WDFY4: variants seen among roughly 807,000 people sequenced by gnomAD.
WDFY4 encodes the protein WD repeat- and FYVE domain-containing protein 4.
A neutral mutation model predicts 351.9 loss-of-function variants in WDFY4; 169 were observed. The ratio of observed to expected loss-of-function variants is 0.48; its 90% CI spans 0.42 to 0.55. The LOEUF is 0.55. Among genes scored for constraint, WDFY4 ranks in the 20% least tolerant of loss-of-function variants. The pLI is 0.00. For synonymous variants in WDFY4, 1,622 were observed against 1,574.6 expected (o/e 1.03, Z -0.71); for missense variants, 3,803 against 3,935.6 (o/e 0.97, Z 0.90).
chr10:48,868,761 G>A (rs1386260182), intron 40 of WDFY4, among the ~76,000 whole-genome samples: 1 of 152,168 alleles, frequency 6.6e-6, no homozygotes, highest in Admixed American at 6.5e-5. Context: ...CTCGTCTAGA[G>A]TGCAACCATT....
At chr10:48,909,957 G>A (rs1367460299) in intron 47 of WDFY4, 2 of 458,422 alleles carry the variant, frequency 4.4e-6, no homozygotes, top group Non-Finnish European at 7.8e-6. Context: ...ATATTTAGTT[G>A]TCTATAATAT....
rs75082600 is a variant in WDFY4, at chr10:48,938,976, A to G, written c.7587-2830A>G. On this transcript the variant is annotated intron_variant, in intron 47 of 61. Transcript: ENST00000325239. ...AACCGCCACAATCCTCACTGGCTTC[A>G]TTCGAGTTCTTCTGTTCTTCTCTGC... 5.1e-3 allele frequency among the ~76,000 whole-genome samples: 776 copies of G among 152,246 alleles called. 3 individuals are homozygous for G. The highest frequency in any genetic ancestry group is 0.018 in the African/African-American group (743 of 41,544).
rs549980526 is a variant in WDFY4 at position 48,900,533 on chromosome 10, A to C, written c.7523+227A>C. Among the ~76,000 whole-genome samples, 204 of 152,338 alleles carry C rather than the reference A, an allele frequency of 1.3e-3. 1 individual carries two copies. Among genetic ancestry groups the C allele is most frequent in the African/African-American group, 4.6e-3 (191 of 41,582 alleles). Reference sequence around the variant, plus strand: ...CCTTCAGTCCTAGGAAGCAGGCTCCATTTTCCTGAACTGAAGTGGCATAGA... The same window carrying C: ...CCTTCAGTCCTAGGAAGCAGGCTCCCTTTTCCTGAACTGAAGTGGCATAGA... On this transcript the variant is annotated intron_variant, in intron 46 of 61. Transcript: ENST00000325239.
At chr10:48,940,891 G>A (rs919900891) in intron 47 of WDFY4, among the ~76,000 whole-genome samples, 8 of 152,258 alleles carry the variant, frequency 5.3e-5, no homozygotes, top group African/African-American at 1.7e-4. Flanking sequence ...TCCTACCAGG[G>A]CAGTCCACAA....
chr10:48,764,020 C>G (rs1429120093), intron 13 of WDFY4, among the ~76,000 whole-genome samples: 2 of 152,202 alleles, frequency 1.3e-5, no homozygotes, highest in African/African-American at 4.8e-5. Context: ...GTCAGTGTTA[C>G]TAGCAAGATG....
chr10:48,887,014 A>G (rs2070484221), intron 43 of WDFY4, among the ~76,000 whole-genome samples: 1 of 152,234 alleles, frequency 6.6e-6, no homozygotes, highest in Admixed American at 6.5e-5. Context: ...ACTTGGGTTC[A>G]TTTTCTAGTT....
In WDFY4 at chr10:48,709,616, A is replaced by G. The variant is rs1043900118; in HGVS notation, c.-17-100A>G. On this transcript the variant is annotated intron_variant, in intron 1 of 61. Coordinates refer to ENST00000325239, the MANE Select transcript of WDFY4 (RefSeq NM_001394531.1). ...TCAGATTCTTAGGGGAACCATTTTCAATAGAAACTGGGCTGAGTGAGTACA... is the reference window on the plus strand; with the variant it reads ...TCAGATTCTTAGGGGAACCATTTTCGATAGAAACTGGGCTGAGTGAGTACA... 9.1e-5 allele frequency: 94 copies of G among 1,031,738 alleles called. 1 individual carries two copies. Among genetic ancestry groups the G allele is most frequent in the Non-Finnish European group, 1.2e-4 (87 of 713,450 alleles). 63.9% of individuals were successfully genotyped at this position (1,031,738 alleles called of 1,614,324 possible).
chr10:48,840,495 T>TCA (rs141934724), intron 39 of WDFY4, among the ~76,000 whole-genome samples: 4 of 150,466 alleles, frequency 2.7e-5, no homozygotes, highest in South Asian at 4.2e-4. Context: ...TCTCTCTCTC[T>TCA]CACACACACA....
chr10:48,963,784 C>T lies in WDFY4; in HGVS notation c.8224-58C>T, dbSNP rs558319885. On this transcript the variant is annotated intron_variant, in intron 53 of 61. Transcript: ENST00000325239. ...CATGTGCCCCTTCCAATCTGTGCAG[C>T]GAGTGCATGAGTCCATGAGTGGCCT... 5.8e-5 allele frequency: 87 copies of T among 1,494,654 alleles called. No homozygotes were observed. In the African/African-American group the frequency reaches 9.2e-4, roughly 16 times the overall value. 92.6% of individuals were successfully genotyped at this position (1,494,654 alleles called of 1,614,324 possible).
intron 47 of WDFY4, chr10:48,913,356 C>A (rs1241131459): frequency 6.3e-7 from 1 of 1,589,144 alleles, no homozygotes; most frequent in Admixed American, 1.7e-5. Flanking sequence ...CTCCCTCTCT[C>A]TTTCCCTTCT....
intron 19 of WDFY4, among the ~76,000 whole-genome samples, chr10:48,783,754 A>G (rs1196940641): frequency 6.6e-6 from 1 of 152,196 alleles, no homozygotes; most frequent in African/African-American, 2.4e-5. Flanking sequence ...CACTTAGGCT[A>G]TATGGTATAG....
At position 48,927,235 on chromosome 10, in the gene WDFY4, C is replaced by A. The variant is rs184731067; in HGVS notation, c.7587-14571C>A. ...ATGATGCCTCCCCCGAACCCTCCCCCCTGCTTCCACACACATCCTCAGACC... is the reference window on the plus strand; with the variant it reads ...ATGATGCCTCCCCCGAACCCTCCCCACTGCTTCCACACACATCCTCAGACC... On this transcript the variant is annotated intron_variant, in intron 47 of 61. Coordinates refer to ENST00000325239, the MANE Select transcript of WDFY4 (RefSeq NM_001394531.1). 3.0e-3 allele frequency among the ~76,000 whole-genome samples: 455 copies of A among 152,304 alleles called. 1 individual carries two copies. Among genetic ancestry groups the A allele is most frequent in the African/African-American group, 0.011 (439 of 41,562 alleles).
At chr10:48,815,345 CCTCT>C (rs148004635) in intron 31 of WDFY4, among the ~76,000 whole-genome samples, 7,413 of 152,052 alleles carry the variant, frequency 0.049, 618 homozygotes, top group African/African-American at 0.17. Context: ...TATTTATTTT[CCTCT>C]CTCTCTATTT....
chr10:48,779,949 G>A lies in WDFY4; in HGVS notation c.3406G>A (p.Glu1136Lys). ...EKEFQPLDVM[E>K]PEDDSEPSAG... ...TTCATGCTGTCTTCCAGATGTCATG[G>A]AACCTGAGGATGACTCCGAGCCTTC... is the stretch of plus-strand genomic sequence containing the variant. Residue 1136 changes from glutamate to lysine, a missense_variant, in exon 19 of 62, where the codon GAA becomes AAA. Glu to Lys is a moderately conservative substitution (Grantham distance 56, BLOSUM62 1). This residue lies in a region of WDFY4 where 3,054 missense variants were observed against 3,148.6 expected (regional missense o/e 0.97). Coordinates refer to ENST00000325239, the MANE Select transcript of WDFY4 (RefSeq NM_001394531.1). 6.4e-7 allele frequency: 1 copy of A among 1,551,670 alleles called. No homozygotes were observed. The highest frequency in any genetic ancestry group is 8.7e-7 in the Non-Finnish European group (1 of 1,147,008).
intron 13 of WDFY4, among the ~76,000 whole-genome samples, chr10:48,773,247 G>A (rs1261660423): frequency 6.6e-6 from 1 of 152,236 alleles, no homozygotes; most frequent in Admixed American, 6.5e-5. Context: ...CAGAGAAGGG[G>A]AAGCCGTGGC....
chr10:48,836,039 C>T (rs72797171), intron 39 of WDFY4, among the ~76,000 whole-genome samples: 6,593 of 152,310 alleles, frequency 0.043, 196 homozygotes, highest in East Asian at 0.085. Flanking sequence ...CTTTCAGACA[C>T]TGCATCCATC....
intron 24 of WDFY4, chr10:48,802,926 C>T: frequency 2.1e-6 from 1 of 483,012 alleles, no homozygotes; most frequent in Non-Finnish European, 4.1e-6. Context: ...AAAGTGGGAA[C>T]ATCATCATTT....
chr10:48,866,267 G>GTGT (rs933519692), intron 39 of WDFY4, among the ~76,000 whole-genome samples: 9 of 151,826 alleles, frequency 5.9e-5, no homozygotes, highest in African/African-American at 2.2e-4. Flanking sequence ...TATAGCCTAC[G>GTGT]TGTTTTGGTA....
At chr10:48,839,403 G>A (rs528107889) in intron 39 of WDFY4, among the ~76,000 whole-genome samples, 3 of 152,194 alleles carry the variant, frequency 2.0e-5, no homozygotes, top group Non-Finnish European at 4.4e-5. Flanking sequence ...CATAATGTTC[G>A]TGGGAAAGAG....
Sources: allele counts gnomAD v4.1 joint callset (sites outside exome capture counted in the v4.1 genomes callset), GRCh38; gene constraint gnomAD v4.1.1; regional missense constraint gnomAD v4.1.1; transcripts MANE v1.5; gene names NCBI Gene and HGNC (gene_info 2026-07-23, HGNC 2026-07-21).